The following NWD2 variants were observed in gnomAD, a reference collection of about 807,000 sequenced individuals.
The protein encoded by NWD2 is NACHT and WD repeat domain-containing protein 2.
In NWD2, 37 loss-of-function variants were observed where a neutral mutation model predicts 132.7. That is an observed-to-expected ratio of 0.28 (90% CI 0.21 to 0.37). NWD2 has a LOEUF of 0.37. Ranked by LOEUF, NWD2 falls within the 10% of genes least tolerant of loss-of-function variation. The probability of loss-of-function intolerance (pLI) is 1.00; values close to 1 mark genes in which losing one functional copy is unlikely to be tolerated. For synonymous variants in NWD2, 705 were observed against 803.0 expected (o/e 0.88, Z 2.06); for missense variants, 1,592 against 2,122.4 (o/e 0.75, Z 4.91).
At chr4:37,323,818 G>A (rs1201168051) in intron 1 of NWD2, among the ~76,000 whole-genome samples, 1 of 146,650 alleles carries the variant, frequency 6.8e-6, no homozygotes, top group Admixed American at 6.8e-5. Context: ...ATTAAATAAT[G>A]AAAATGTGGC....
rs148390536 is a variant in NWD2, at chr4:37,440,509, A to AG, written c.1296+1124dup. Among the ~76,000 whole-genome samples the AG allele has an allele frequency of 2.2e-3, 342 of 152,172 alleles. 2 individuals carry two copies. The highest frequency in any genetic ancestry group is 7.6e-3 in the East Asian group (39 of 5,150). On this transcript the variant is annotated intron_variant, in intron 6 of 6. Coordinates refer to ENST00000309447, the MANE Select transcript of NWD2 (RefSeq NM_001144990.2). Reference sequence around the variant, plus strand: ...CCAGATGCCTGTATCCCCAAGCTGTAGGGGGCATTCTATAGGTGGTCCACT... The same window carrying AG: ...CCAGATGCCTGTATCCCCAAGCTGTAGGGGGGCATTCTATAGGTGGTCCACT...
chr4:37,430,899 C>T (rs1307940255), intron 4 of NWD2, 124 bp downstream of exon 4: 6 of 774,196 alleles, frequency 7.7e-6, no homozygotes, highest in Non-Finnish European at 1.2e-5. Context: ...GCCCTAGGCC[C>T]CAGGTTTTCC....
chr4:37,256,096 A>G (rs968695523), intron 1 of NWD2, among the ~76,000 whole-genome samples: 2 of 152,228 alleles, frequency 1.3e-5, no homozygotes, highest in Non-Finnish European at 2.9e-5. Context: ...TTTGGAATAC[A>G]TTAGAGAGAA....
intron 1 of NWD2, among the ~76,000 whole-genome samples, chr4:37,323,735 A>G (rs946675077): frequency 1.3e-5 from 2 of 152,126 alleles, no homozygotes; most frequent in Non-Finnish European, 2.9e-5. Flanking sequence ...AGACACATGC[A>G]CTTGTATGCT....
intron 1 of NWD2, among the ~76,000 whole-genome samples, chr4:37,297,103 A>C (rs1200058380): frequency 6.6e-6 from 1 of 152,146 alleles, no homozygotes; most frequent in Non-Finnish European, 1.5e-5. Context: ...GTGTGTGTGT[A>C]TATCACACAC....
chr4:37,299,417 C>T (rs1379719227), intron 1 of NWD2, among the ~76,000 whole-genome samples: 1 of 152,130 alleles, frequency 6.6e-6, no homozygotes, highest in Non-Finnish European at 1.5e-5. Context: ...CTGCTGTACT[C>T]TATATCTGAA....
chr4:37,293,435 C>T (rs1718405359), intron 1 of NWD2, among the ~76,000 whole-genome samples: 1 of 152,160 alleles, frequency 6.6e-6, no homozygotes, highest in Non-Finnish European at 1.5e-5. Context: ...TGGTATAAAG[C>T]AAATCAAAAC....
Position 37,447,506 on chromosome 4 carries a change from T to A in NWD2, c.*289T>A. On this transcript the variant is annotated 3_prime_UTR_variant, in exon 7 of 7. Coordinates refer to ENST00000309447, the MANE Select transcript of NWD2 (RefSeq NM_001144990.2). ...TTAGCTGTGTGGTGAGGCAGCATAA[T>A]ACATCCCACTGGTTAAGATGAGAGA... is the stretch of plus-strand genomic sequence containing the variant. 2.4e-6 allele frequency: 1 copy of A among 412,856 alleles called. No homozygotes were observed. The highest frequency in any genetic ancestry group is 4.7e-5 in the East Asian group (1 of 21,358). 25.6% of individuals were successfully genotyped at this position (412,856 alleles called of 1,614,324 possible).
chr4:37,300,286 C>A lies in NWD2; in HGVS notation c.152-25650C>A, dbSNP rs141725775. On this transcript the variant is annotated intron_variant, in intron 1 of 6. Coordinates refer to ENST00000309447, the MANE Select transcript of NWD2 (RefSeq NM_001144990.2). ...CTGAGGGCAGGACTGTGCCTTGTGT[C>A]ACTTTTGTTTTGGAAGCAACGCTGT... 1.6e-4 allele frequency among the ~76,000 whole-genome samples: 24 copies of A among 152,232 alleles called. No individual in the cohort carries two copies. The East Asian group carries it at 4.6e-3, about 29-fold the overall frequency.
At chr4:37,248,684 G>C (rs2109253865) in intron 1 of NWD2, among the ~76,000 whole-genome samples, 1 of 152,332 alleles carries the variant, frequency 6.6e-6, no homozygotes. Context: ...ATATGGAGAT[G>C]AAAGGAACCT....
In NWD2 at chr4:37,445,723, T is replaced by C; in HGVS notation, c.3735T>C (p.Cys1245=). ...ISAVLSKNGD[C]IIATMENTSA... is the part of the protein sequence containing the mutation. ...CCGTGCTGTCTAAAAATGGAGATTGTATCATCGCCACCATGGAAAATACCT... is the reference window on the plus strand; with the variant it reads ...CCGTGCTGTCTAAAAATGGAGATTGCATCATCGCCACCATGGAAAATACCT... Residue 1245 remains cysteine, a synonymous_variant, in exon 7 of 7, where the codon TGT becomes TGC. Transcript: ENST00000309447. This position sits in a 1 kb window ranked among gnomAD's most constrained non-coding sequence, Gnocchi z 4.7. 2 of 1,551,852 alleles carry C rather than the reference T, an allele frequency of 1.3e-6. No individual in the cohort carries two copies. Among genetic ancestry groups the C allele is most frequent in the Non-Finnish European group, 1.7e-6 (2 of 1,147,020 alleles).
chr4:37,373,129 A>G (rs533178834), intron 3 of NWD2, among the ~76,000 whole-genome samples: 1 of 152,362 alleles, frequency 6.6e-6, no homozygotes, highest in Admixed American at 6.5e-5. Flanking sequence ...TGCATTTTGC[A>G]TATAGTAATT....
chr4:37,333,163 C>T (rs1457924195), intron 2 of NWD2, among the ~76,000 whole-genome samples: 2 of 152,166 alleles, frequency 1.3e-5, no homozygotes, highest in East Asian at 3.9e-4. Context: ...CTGAGGACAA[C>T]TTGCTGCCCT....
intron 1 of NWD2, among the ~76,000 whole-genome samples, chr4:37,273,077 A>C (rs1897969): frequency 0.16 from 24,535 of 151,780 alleles, 2,541 homozygotes; most frequent in South Asian, 0.32. Flanking sequence ...TGTTTGTTTT[A>C]AGGCTGGTCT....
chr4:37,303,449 G>C (rs1412490359), intron 1 of NWD2, among the ~76,000 whole-genome samples: 1 of 152,064 alleles, frequency 6.6e-6, no homozygotes, highest in East Asian at 1.9e-4. Context: ...TTTTGTTACG[G>C]TTCCATATAA....
chr4:37,408,116 A>C (rs1721081350), intron 3 of NWD2, among the ~76,000 whole-genome samples: 1 of 152,158 alleles, frequency 6.6e-6, no homozygotes, highest in South Asian at 2.1e-4. Context: ...GCAGACACTG[A>C]ACTAGCTGCA....
intron 1 of NWD2, among the ~76,000 whole-genome samples, chr4:37,260,164 A>G (rs1257646317): frequency 1.6e-4 from 25 of 152,288 alleles, no homozygotes; most frequent in East Asian, 1.9e-4. Context: ...CAATAGTGTC[A>G]TGTGTGCATG....
intron 2 of NWD2, among the ~76,000 whole-genome samples, chr4:37,329,308 AG>A (rs1719240215): frequency 6.6e-6 from 1 of 152,190 alleles, no homozygotes; most frequent in South Asian, 2.1e-4. Flanking sequence ...TTGTTAGGAG[AG>A]GCAGACAGTG....
intron 3 of NWD2, among the ~76,000 whole-genome samples, chr4:37,374,024 T>G (rs546675518): frequency 4.5e-4 from 68 of 152,266 alleles, no homozygotes; most frequent in South Asian, 3.3e-3. Flanking sequence ...GGTGGTGATA[T>G]AGTTTGGATG....
Sources: allele counts gnomAD v4.1 joint callset (sites outside exome capture counted in the v4.1 genomes callset), GRCh38; gene constraint gnomAD v4.1.1; non-coding constraint Gnocchi (gnomAD v3.1); transcripts MANE v1.5; gene names NCBI Gene and HGNC (gene_info 2026-07-23, HGNC 2026-07-21).